The following ADAM23 variants were observed in gnomAD, a reference collection of about 807,000 sequenced individuals.
ADAM23 encodes the protein disintegrin and metalloproteinase domain-containing protein 23.
Under a neutral mutation model 120.1 loss-of-function variants are expected in ADAM23, and 33 were observed. The observed-to-expected ratio is 0.27, with a 90% CI of 0.21 to 0.37. ADAM23 has a LOEUF of 0.37. Ranked by LOEUF, ADAM23 falls within the 10% of genes least tolerant of loss-of-function variation. ADAM23 has a pLI of 1.00. For missense variants in ADAM23, 862 were observed against 1,058.2 expected (o/e 0.81, Z 2.57); for synonymous variants, 367 against 375.2 (o/e 0.98, Z 0.25).
intron 4 of ADAM23, among the ~76,000 whole-genome samples, chr2:206,536,311 G>A (rs757020065): frequency 2.0e-4 from 31 of 152,058 alleles, no homozygotes; most frequent in Non-Finnish European, 3.7e-4. Context: ...TAAAAAAGTC[G>A]AATATGTATT....
At chr2:206,608,167 A>G (rs1380048950) in intron 24 of ADAM23, among the ~76,000 whole-genome samples, 1 of 152,230 alleles carries the variant, frequency 6.6e-6, no homozygotes, top group Non-Finnish European at 1.5e-5. Flanking sequence ...CTTTCAGCCT[A>G]CAGGGTTGTC....
chr2:206,599,937 C>T (rs866000484), intron 24 of ADAM23, among the ~76,000 whole-genome samples: 1 of 152,216 alleles, frequency 6.6e-6, no homozygotes, highest in Non-Finnish European at 1.5e-5. Flanking sequence ...CACGGTGGCT[C>T]ACGCCTGTAA....
intron 9 of ADAM23, among the ~76,000 whole-genome samples, chr2:206,555,867 GAACTTAATGTT>G (rs1278838684): frequency 4.6e-5 from 7 of 152,110 alleles, no homozygotes; most frequent in Admixed American, 4.6e-4. Flanking sequence ...CATCCCAGAG[GAACTTAATGTT>G]AATATTTTTC....
chr2:206,538,033 A>G (rs1242602395), intron 4 of ADAM23, among the ~76,000 whole-genome samples: 1 of 152,224 alleles, frequency 6.6e-6, no homozygotes, highest in Non-Finnish European at 1.5e-5. Context: ...AAAATGCCCC[A>G]AGAAATCAAG....
At chr2:206,557,015 C>T (rs1280386639) in intron 9 of ADAM23, among the ~76,000 whole-genome samples, 1 of 152,074 alleles carries the variant, frequency 6.6e-6, no homozygotes, top group Non-Finnish European at 1.5e-5. Context: ...TTAAAACTTA[C>T]TTTTTAGGTA....
At chr2:206,504,555 G>A (rs1468230490) in intron 3 of ADAM23, among the ~76,000 whole-genome samples, 2 of 152,178 alleles carry the variant, frequency 1.3e-5, no homozygotes, top group Admixed American at 6.5e-5. Context: ...TGCTGGCCAT[G>A]TTCCAGGTAC....
At chr2:206,565,808 A>G (rs925488926) in intron 14 of ADAM23, among the ~76,000 whole-genome samples, 3 of 151,892 alleles carry the variant, frequency 2.0e-5, no homozygotes, top group African/African-American at 7.2e-5. Flanking sequence ...CAACACACCA[A>G]CCATTTCTGG....
At chr2:206,591,689 T>TA (rs756059046) in intron 21 of ADAM23, among the ~76,000 whole-genome samples, 43 of 152,310 alleles carry the variant, frequency 2.8e-4, no homozygotes, top group Non-Finnish European at 5.4e-4. Context: ...TGCTAAGTCA[T>TA]AGGGGATCTT....
At position 206,443,532 on chromosome 2, in the gene ADAM23, A is replaced by G. The variant is rs1241773471; in HGVS notation, c.-335A>G. On this transcript the variant is annotated 5_prime_UTR_variant, in exon 1 of 26. Transcript: ENST00000264377. Reference sequence around the variant, plus strand: ...GCTCGCTCCCGCGCGCCGCCTCAGCATCCTCAGGCCCGGCGGCAGCCCCCG... The same window carrying G: ...GCTCGCTCCCGCGCGCCGCCTCAGCGTCCTCAGGCCCGGCGGCAGCCCCCG... The G allele has an allele frequency of 9.3e-6, 1 of 107,704 alleles. No individual in the cohort carries two copies. The highest frequency in any genetic ancestry group is 2.3e-5 in the Non-Finnish European group (1 of 43,920). 6.7% of individuals were successfully genotyped at this position (107,704 alleles called of 1,614,324 possible). A position where few individuals can be genotyped will look rare whatever the true frequency, so the allele number is the denominator to read the frequency against.
At chr2:206,613,779 A>G (rs1410595790) in intron 25 of ADAM23, among the ~76,000 whole-genome samples, 1 of 152,168 alleles carries the variant, frequency 6.6e-6, no homozygotes, top group Non-Finnish European at 1.5e-5. Flanking sequence ...ATGAAAAGAG[A>G]ATTTCATATC....
At chr2:206,450,374 T>C (rs1381923967) in intron 2 of ADAM23, among the ~76,000 whole-genome samples, 1 of 152,206 alleles carries the variant, frequency 6.6e-6, no homozygotes, top group Non-Finnish European at 1.5e-5. Context: ...AAAATTGTAA[T>C]ATATAGAATT....
intron 3 of ADAM23, among the ~76,000 whole-genome samples, chr2:206,500,997 T>A (rs1437060915): frequency 6.6e-6 from 1 of 151,994 alleles, no homozygotes; most frequent in African/African-American, 2.4e-5. Context: ...CACTCACTTT[T>A]TTTTTTTTTT....
intron 4 of ADAM23, among the ~76,000 whole-genome samples, chr2:206,538,522 T>C (rs1697226497): frequency 6.6e-6 from 1 of 152,176 alleles, no homozygotes; most frequent in South Asian, 2.1e-4. Flanking sequence ...AAGGACTGTG[T>C]AGTTTCTTTT....
chr2:206,510,099 C>T (rs1696591048), intron 3 of ADAM23, among the ~76,000 whole-genome samples: 1 of 152,136 alleles, frequency 6.6e-6, no homozygotes, highest in African/African-American at 2.4e-5. Context: ...TTTTTGCTTT[C>T]TAATTATGCA....
At chr2:206,477,303 A>G (rs1695793654) in intron 2 of ADAM23, among the ~76,000 whole-genome samples, 1 of 152,238 alleles carries the variant, frequency 6.6e-6, no homozygotes, top group Admixed American at 6.5e-5. Context: ...TCTCCAGTGA[A>G]GGAGGTTTGT....
At chr2:206,548,407 T>C in intron 8 of ADAM23, 53 bp downstream of exon 8, 1 of 1,524,476 alleles carries the variant, frequency 6.6e-7, no homozygotes, top group Non-Finnish European at 9.0e-7. Context: ...TGAAGTCATG[T>C]GCCTATCACC....
chr2:206,575,918 G>A (rs1190719571), intron 18 of ADAM23, among the ~76,000 whole-genome samples: 1 of 152,138 alleles, frequency 6.6e-6, no homozygotes, highest in Admixed American at 6.6e-5. Context: ...GGGTTACACT[G>A]AGTTCCTTAA....
In ADAM23 at chr2:206,480,782, G is replaced by A. The variant is rs1695880472; in HGVS notation, c.433-450G>A. Among the ~76,000 whole-genome samples, 5 of 152,150 alleles carry A rather than the reference G, an allele frequency of 3.3e-5. No individual in the cohort carries two copies. The South Asian group carries it at 1.0e-3, about 32-fold the overall frequency. On this transcript the variant is annotated intron_variant, in intron 2 of 25. Transcript: ENST00000264377. ...TCCCATTTTACTGTCATATTCTGCT[G>A]ATACATCATTTAGAGAACGTTCCAA...
intron 2 of ADAM23, among the ~76,000 whole-genome samples, chr2:206,469,599 C>T (rs996015286): frequency 1.3e-5 from 2 of 152,160 alleles, no homozygotes; most frequent in African/African-American, 2.4e-5. Context: ...AAATGGAAAC[C>T]TGATCATATC....
Sources: allele counts gnomAD v4.1 joint callset (sites outside exome capture counted in the v4.1 genomes callset), GRCh38; gene constraint gnomAD v4.1.1; transcripts MANE v1.5; gene names NCBI Gene and HGNC (gene_info 2026-07-23, HGNC 2026-07-21).